The following PTK2B variants were observed in gnomAD, a reference collection of about 807,000 sequenced individuals.
The protein encoded by PTK2B is protein-tyrosine kinase 2-beta.
In PTK2B, 71 loss-of-function variants were observed where a neutral mutation model predicts 142.9. That is an observed-to-expected ratio of 0.50 (90% CI 0.41 to 0.61). The LOEUF (loss-of-function observed/expected upper bound fraction) is 0.61, where lower values mean the gene tolerates loss of function less well. Ranked by LOEUF, PTK2B falls within the 20% of genes least tolerant of loss-of-function variation. The pLI, the probability that PTK2B is intolerant of heterozygous loss-of-function variation, is 0.00. For missense variants in PTK2B, 1,105 were observed against 1,320.4 expected, an observed-to-expected ratio of 0.84 and a Z score of 2.53; for synonymous variants, 519 against 503.4, an observed-to-expected ratio of 1.03 and a Z score of -0.42.
Position 27,419,934 on chromosome 8 carries a change from C to T in PTK2B, c.244C>T (p.Pro82Ser), listed in dbSNP as rs764387331. The change falls in exon 3 of 31, where the codon CCC (proline) becomes TCC (serine). Residue 82 changes from proline (P) to serine (S), a missense_variant. Pro to Ser is a moderately conservative substitution (Grantham distance 74, BLOSUM62 -1). Coordinates refer to ENST00000346049, the MANE Select transcript of PTK2B (RefSeq NM_173176.3). The stretch of plus-strand genomic sequence containing the variant: ...CATCCTGCTGAGCGGGCGGATCGGG[C>T]CCAACATCCGGTTGGCTGAGTGCTA... ...TSILLSGRIGPNIRLAECYGL... is the reference protein window; with the variant it reads ...TSILLSGRIGSNIRLAECYGL... 1 of 1,614,078 alleles carries T rather than the reference C, an allele frequency of 6.2e-7. No individual in the cohort carries two copies.
Position 27,332,809 on chromosome 8 carries a change from T to G in PTK2B, c.-38+7128T>G, listed in dbSNP as rs370775267. Among the ~76,000 whole-genome samples, 10 of 152,206 alleles carry G rather than the reference T, an allele frequency of 6.6e-5. No homozygotes were observed. The East Asian group carries it at 1.3e-3, about 21-fold the overall frequency. On this transcript the variant is annotated intron_variant, in intron 1 of 30. Transcript: ENST00000346049. Reference sequence around the variant, plus strand: ...GTTGGCCAGGCTGGTGTTGAACACCTGGGCTCAAGCAATTCTGCTTCGGCC... The same window carrying G: ...GTTGGCCAGGCTGGTGTTGAACACCGGGGCTCAAGCAATTCTGCTTCGGCC...
chr8:27,428,230 A>G (rs1003075513), intron 5 of PTK2B, among the ~76,000 whole-genome samples: 1 of 152,184 alleles, frequency 6.6e-6, no homozygotes, highest in East Asian at 1.9e-4. Flanking sequence ...GCAATATAGC[A>G]AGTGATGGGA....
intron 2 of PTK2B, among the ~76,000 whole-genome samples, chr8:27,415,198 G>T (rs1321543865): frequency 6.6e-6 from 1 of 152,092 alleles, no homozygotes; most frequent in East Asian, 1.9e-4. Flanking sequence ...CCATATTCTA[G>T]ATGAGAAAAC....
chr8:27,420,699 G>C lies in PTK2B; in HGVS notation c.426G>C (p.Glu142Asp). ...QIRYLPEDFMESLKEDRTTLL... is the reference protein window; with the variant it reads ...QIRYLPEDFMDSLKEDRTTLL... ...GCTACTTGCCAGAAGACTTCATGGA[G>C]AGCCTGAAGGAGGACAGGACCACGC... The change falls in exon 4 of 31, where the codon GAG (glutamate) becomes GAC (aspartate). Residue 142 changes from glutamate to aspartate, a missense_variant. Coordinates refer to ENST00000346049, the MANE Select transcript of PTK2B (RefSeq NM_173176.3). The C allele has an allele frequency of 1.2e-6, 2 of 1,614,164 alleles. No individual in the cohort carries two copies. The highest frequency in any genetic ancestry group is 1.7e-6 in the Non-Finnish European group (2 of 1,179,996).
At chr8:27,328,261 C>A (rs193172058) in intron 1 of PTK2B, among the ~76,000 whole-genome samples, 1 of 152,126 alleles carries the variant, frequency 6.6e-6, no homozygotes, top group African/African-American at 2.4e-5. Flanking sequence ...CAGACAAATG[C>A]GCCATGAAAT....
chr8:27,343,330 C>T (rs1451146477), intron 1 of PTK2B, among the ~76,000 whole-genome samples: 1 of 152,210 alleles, frequency 6.6e-6, no homozygotes, highest in Non-Finnish European at 1.5e-5. Flanking sequence ...CCTCTCAAAT[C>T]ATTTCCAAAC....
intron 28 of PTK2B, 66 bp downstream of exon 28, chr8:27,453,226 T>C: frequency 6.3e-7 from 1 of 1,575,808 alleles, no homozygotes; most frequent in Non-Finnish European, 8.7e-7. Flanking sequence ...AAGACCATGG[T>C]CTATGAAAGA....
intron 1 of PTK2B, among the ~76,000 whole-genome samples, chr8:27,332,119 C>T (rs922480259): frequency 1.3e-5 from 2 of 152,234 alleles, no homozygotes; most frequent in Non-Finnish European, 2.9e-5. Context: ...GTTTGAATCC[C>T]AGCCCCTAGC....
chr8:27,432,232 T>C, intron 9 of PTK2B, 28 bp from the exon 10 acceptor site: 1 of 1,607,828 alleles, frequency 6.2e-7, no homozygotes, highest in Non-Finnish European at 8.5e-7. Context: ...AGTGGGATGG[T>C]CTGAAGCTCC....
intron 1 of PTK2B, among the ~76,000 whole-genome samples, chr8:27,388,769 G>A (rs1345488376): frequency 6.6e-6 from 1 of 152,184 alleles, no homozygotes; most frequent in Non-Finnish European, 1.5e-5. Flanking sequence ...CTCTCAGATT[G>A]CCAGTGGCCA....
chr8:27,348,440 C>T (rs952835522), intron 1 of PTK2B, among the ~76,000 whole-genome samples: 3 of 152,122 alleles, frequency 2.0e-5, no homozygotes, highest in Non-Finnish European at 2.9e-5. Flanking sequence ...CTCTTCCCGG[C>T]GTGCACACAC....
At chr8:27,375,925 G>C (rs1345715449) in intron 1 of PTK2B, among the ~76,000 whole-genome samples, 1 of 152,234 alleles carries the variant, frequency 6.6e-6, no homozygotes, top group East Asian at 1.9e-4. Context: ...TTAGGCACTT[G>C]ACACATGATG....
chr8:27,430,639 C>G (rs1035492850), intron 7 of PTK2B, among the ~76,000 whole-genome samples: 4 of 152,216 alleles, frequency 2.6e-5, no homozygotes, highest in Non-Finnish European at 4.4e-5. Context: ...CGTATCAGCT[C>G]TGCGGCCCCA....
At chr8:27,328,138 A>C (rs1321972689) in intron 1 of PTK2B, among the ~76,000 whole-genome samples, 2 of 152,192 alleles carry the variant, frequency 1.3e-5, no homozygotes, top group Non-Finnish European at 2.9e-5. Flanking sequence ...AGGGGTGGAG[A>C]TATAACACTC....
chr8:27,391,052 C>T (rs1002236706), intron 1 of PTK2B, among the ~76,000 whole-genome samples: 8 of 151,252 alleles, frequency 5.3e-5, no homozygotes, highest in African/African-American at 1.9e-4. Context: ...GGGCCCCTTT[C>T]CACTCTCTCT....
At chr8:27,400,261 C>T (rs754411451) in intron 2 of PTK2B, among the ~76,000 whole-genome samples, 3 of 152,134 alleles carry the variant, frequency 2.0e-5, no homozygotes, top group Admixed American at 6.5e-5. Context: ...AATAAGACTT[C>T]TCAGAACCTT....
At chr8:27,439,235 T>G in intron 19 of PTK2B, 74 bp from the exon 20 acceptor site, 1 of 1,566,134 alleles carries the variant, frequency 6.4e-7, no homozygotes, top group Non-Finnish European at 8.8e-7. Context: ...CTAAGGGTCT[T>G]CAGAAAGTAG....
chr8:27,388,300 A>G (rs17057069), intron 1 of PTK2B, among the ~76,000 whole-genome samples: 2,185 of 152,328 alleles, frequency 0.014, 62 homozygotes, highest in African/African-American at 0.051. Context: ...GAGGGAAGGA[A>G]AAAGCTGAGA....
At chr8:27,412,172 G>C (rs1809106016) in intron 2 of PTK2B, among the ~76,000 whole-genome samples, 1 of 152,042 alleles carries the variant, frequency 6.6e-6, no homozygotes, top group Admixed American at 6.6e-5. Flanking sequence ...TTGATTGATT[G>C]ATTGATTGAT....
Sources: allele counts gnomAD v4.1 joint callset (sites outside exome capture counted in the v4.1 genomes callset), GRCh38; gene constraint gnomAD v4.1.1; transcripts MANE v1.5; gene names NCBI Gene and HGNC (gene_info 2026-07-23, HGNC 2026-07-21).